The following PCDHGB2 variants were observed in gnomAD, a reference collection of about 807,000 sequenced individuals.
The protein encoded by PCDHGB2 is protocadherin gamma subfamily B, 2, also known as protocadherin gamma-B2.
In PCDHGB2, 55 loss-of-function variants were observed where a neutral mutation model predicts 59.3. The ratio of observed to expected loss-of-function variants is 0.93; its 90% confidence interval spans 0.75 to 1.16. The LOEUF is 1.16. Among genes scored for constraint, PCDHGB2 ranks in the 50% most tolerant of loss-of-function variants. PCDHGB2 has a pLI of 0.00. For synonymous variants in PCDHGB2, 516 were observed against 512.0 expected (o/e 1.01, Z -0.11); for missense variants, 1,228 against 1,198.5 (o/e 1.02, Z -0.36).
chr5:141,364,171 C>G (rs914010009), intron 1 of PCDHGB2: 73 of 786,522 alleles, frequency 9.3e-5, no homozygotes, highest in Admixed American at 2.2e-4. Context: ...CGACCCGACT[C>G]TGCTCCCTCC....
chr5:141,398,938 G>T (rs201463346), intron 1 of PCDHGB2: 467 of 1,613,840 alleles, frequency 2.9e-4, no homozygotes, highest in Non-Finnish European at 3.7e-4. Context: ...TGACCAAGAC[G>T]AGGGCATCAA....
At chr5:141,371,757 G>A in intron 1 of PCDHGB2, 1 of 1,614,002 alleles carries the variant, frequency 6.2e-7, no homozygotes, top group East Asian at 2.2e-5. Flanking sequence ...TTTCCACCAG[G>A]CCTCCTACAC....
intron 1 of PCDHGB2, chr5:141,404,131 A>G (rs756505012): frequency 1.2e-6 from 2 of 1,613,162 alleles, no homozygotes; most frequent in South Asian, 2.2e-5. Context: ...TATCTTTTAC[A>G]TTAGAAAATT....
intron 1 of PCDHGB2, chr5:141,395,077 A>T: frequency 6.2e-7 from 1 of 1,614,142 alleles, no homozygotes; most frequent in Non-Finnish European, 8.5e-7. Flanking sequence ...ACCTATTCCC[A>T]GGAAGTCTCC....
At chr5:141,423,750 T>TGGGG (rs144521096) in intron 1 of PCDHGB2, 28 of 288,222 alleles carry the variant, frequency 9.7e-5, no homozygotes, top group Non-Finnish European at 1.2e-4. Flanking sequence ...GAAAACTGTT[T>TGGGG]GGGGGGGGGG....
intron 1 of PCDHGB2, chr5:141,372,254 C>A (rs776276298): frequency 5.6e-6 from 9 of 1,612,978 alleles, no homozygotes; most frequent in Admixed American, 1.7e-5. Flanking sequence ...TCAGCCTGGG[C>A]CTGCGCACGG....
rs56854727 is a variant in PCDHGB2, at chr5:141,438,635, TACACACAC to T, written c.2422-56162_2422-56155del. ...ATATATATATATATATATATATATA[TACACACAC>T]ACACACACATATATGTATATATATA... On this transcript the variant is annotated intron_variant, in intron 1 of 3. Transcript: ENST00000522605. Among the ~76,000 whole-genome samples, 72 of 33,376 alleles carry T rather than the reference TACACACAC, an allele frequency of 2.2e-3. 1 individual carries two copies. Among genetic ancestry groups the T allele is most frequent in the Non-Finnish European group, 3.0e-3 (57 of 18,970 alleles). The allele number at this position is 33,376 out of a possible 152,430, so 21.9% of individuals were successfully genotyped here.
chr5:141,478,302 C>T lies in PCDHGB2; in HGVS notation c.2422-16505C>T. On this transcript the variant is annotated intron_variant, in intron 1 of 3. Transcript: ENST00000522605. ...AAGCAGTCTAGAGACCTATACCGAG[C>T]CCCGGTGAGCTCACTGTACCGAACA... 4 of 1,614,070 alleles carry T rather than the reference C, an allele frequency of 2.5e-6. No individual in the cohort carries two copies. Among genetic ancestry groups the T allele is most frequent in the Non-Finnish European group, 3.4e-6 (4 of 1,180,038 alleles).
At chr5:141,451,004 T>A (rs2098704048) in intron 1 of PCDHGB2, among the ~76,000 whole-genome samples, 1 of 151,474 alleles carries the variant, frequency 6.6e-6, no homozygotes, top group South Asian at 2.1e-4. Flanking sequence ...TTTTTGTATT[T>A]TTTTTAGTAG....
intron 1 of PCDHGB2, chr5:141,389,279 T>C: frequency 6.2e-7 from 1 of 1,614,016 alleles, no homozygotes; most frequent in Non-Finnish European, 8.5e-7. Context: ...ACAACCCGCC[T>C]GGAGCCTCTA....
At chr5:141,445,805 A>G (rs2098478274) in intron 1 of PCDHGB2, among the ~76,000 whole-genome samples, 2 of 152,236 alleles carry the variant, frequency 1.3e-5, no homozygotes, top group South Asian at 4.1e-4. Flanking sequence ...GAAAATAAAT[A>G]GATGAAACTA....
chr5:141,373,110 T>C (rs878923875), intron 1 of PCDHGB2, among the ~76,000 whole-genome samples: 8 of 152,232 alleles, frequency 5.3e-5, no homozygotes, highest in African/African-American at 1.9e-4. Flanking sequence ...GACATATCTA[T>C]CCAGAATTAG....
intron 1 of PCDHGB2, among the ~76,000 whole-genome samples, chr5:141,488,741 C>A (rs2099678972): frequency 1.3e-5 from 2 of 152,310 alleles, no homozygotes; most frequent in South Asian, 4.1e-4. Context: ...TGAAGTCATG[C>A]AGGAAGTTGC....
At chr5:141,396,636 A>G (rs1206522598) in intron 1 of PCDHGB2, 1 of 152,050 alleles carries the variant, frequency 6.6e-6, no homozygotes, top group African/African-American at 2.4e-5. Context: ...AAAAAAAACT[A>G]ATATTAATAG....
intron 1 of PCDHGB2, chr5:141,427,812 G>T: frequency 6.6e-7 from 1 of 1,524,404 alleles, no homozygotes; most frequent in Non-Finnish European, 9.0e-7. Flanking sequence ...CGCACAGAGC[G>T]GGGTGGTGGT....
chr5:141,383,948 C>A, intron 1 of PCDHGB2: 1 of 1,613,600 alleles, frequency 6.2e-7, no homozygotes, highest in South Asian at 1.1e-5. Flanking sequence ...GTGACTATGA[C>A]GTCTTTAAGT....
intron 1 of PCDHGB2, 96 bp from the exon 2 acceptor site, chr5:141,494,711 A>G (rs757105958): frequency 6.3e-7 from 1 of 1,599,616 alleles, no homozygotes; most frequent in Non-Finnish European, 8.5e-7. Flanking sequence ...CTCTGTGCCC[A>G]CTCCCCTCCT....
chr5:141,433,033 C>A, intron 1 of PCDHGB2: 2 of 1,614,164 alleles, frequency 1.2e-6, no homozygotes, highest in Non-Finnish European at 1.7e-6. Flanking sequence ...ACGAGGTTTC[C>A]CTCACCACGG....
At chr5:141,504,995 G>A (rs1214858212) in intron 2 of PCDHGB2, among the ~76,000 whole-genome samples, 6 of 151,980 alleles carry the variant, frequency 3.9e-5, no homozygotes, top group African/African-American at 1.5e-4. Context: ...AACCCCGTCT[G>A]TACTAAAAAT....
Sources: gnomAD v4.1 joint callset for allele counts (sites outside exome capture counted in the v4.1 genomes callset) on GRCh38, gnomAD v4.1.1 for gene constraint, MANE v1.5 for transcripts, NCBI Gene and HGNC (gene_info 2026-07-23, HGNC 2026-07-21) for gene names.